PITPNC1: variants seen among roughly 807,000 people sequenced by gnomAD.
PITPNC1 encodes cytoplasmic phosphatidylinositol transfer protein 1.
In PITPNC1, 18 loss-of-function variants were observed where a neutral mutation model predicts 44.7. The ratio of observed to expected loss-of-function variants is 0.40; its 90% CI spans 0.28 to 0.60. PITPNC1 has a LOEUF of 0.60. Ranked by LOEUF, PITPNC1 falls within the 20% of genes least tolerant of loss-of-function variation. The pLI, the probability that PITPNC1 is intolerant of heterozygous loss-of-function variation, is 0.39. For missense variants in PITPNC1, 290 were observed against 418.4 expected (o/e 0.69, Z 2.68); for synonymous variants, 141 against 149.6 (o/e 0.94, Z 0.42).
intron 1 of PITPNC1, among the ~76,000 whole-genome samples, chr17:67,518,644 A>C (rs193241692): frequency 1.2e-4 from 18 of 152,268 alleles, no homozygotes; most frequent in South Asian, 2.1e-4. Flanking sequence ...GGTTATCAAA[A>C]AAACAAACAA....
intron 8 of PITPNC1, among the ~76,000 whole-genome samples, chr17:67,679,488 G>T (rs1017842790): frequency 1.3e-5 from 2 of 152,106 alleles, no homozygotes; most frequent in African/African-American, 4.8e-5. Flanking sequence ...CTGATGCATG[G>T]GTAGCTCTAG....
intron 6 of PITPNC1, among the ~76,000 whole-genome samples, chr17:67,659,544 A>C (rs142904219): frequency 1.3e-5 from 2 of 152,246 alleles, no homozygotes; most frequent in African/African-American, 4.8e-5. Flanking sequence ...AAACTGACAC[A>C]ATGTCTCTTC....
chr17:67,425,827 C>T (rs1467406813), intron 1 of PITPNC1, among the ~76,000 whole-genome samples: 1 of 152,128 alleles, frequency 6.6e-6, no homozygotes, highest in Non-Finnish European at 1.5e-5. Flanking sequence ...CCATGCCAGG[C>T]AGCAAAGTTT....
rs79746363 is a variant in PITPNC1, at chr17:67,696,679, T to C, written c.*3791T>C. The stretch of plus-strand genomic sequence containing the variant: ...TGTACACAATAGCACACTGTTGGCA[T>C]GCTGAGGCAAAACATTGGGTTCTTT... On this transcript the variant is annotated 3_prime_UTR_variant, in exon 9 of 9. Coordinates refer to ENST00000581322, the MANE Select transcript of PITPNC1 (RefSeq NM_012417.4). 1.6e-4 allele frequency: 25 copies of C among 152,368 alleles called. No individual in the cohort carries two copies. In the East Asian group the frequency reaches 4.8e-3, roughly 29 times the overall value. The allele number at this position is 152,368 out of a possible 1,614,324, so 9.4% of individuals were successfully genotyped here. A position where few individuals can be genotyped will look rare whatever the true frequency, so the allele number is the denominator to read the frequency against.
rs578163587 is a variant in PITPNC1, at chr17:67,381,117, G to A, written c.48+2915G>A. Reference sequence around the variant, plus strand: ...CTGAGGTGGGCAGATCACGAGGTCAGGAGATCGAGACCATCCTGGCTAACA... The same window carrying A: ...CTGAGGTGGGCAGATCACGAGGTCAAGAGATCGAGACCATCCTGGCTAACA... On this transcript the variant is annotated intron_variant, in intron 1 of 8. Transcript: ENST00000581322. 3.2e-3 allele frequency among the ~76,000 whole-genome samples: 491 copies of A among 152,150 alleles called. 1 individual carries two copies. The highest frequency in any genetic ancestry group is 5.7e-3 in the Non-Finnish European group (388 of 68,014).
At chr17:67,628,201 C>G (rs537879308) in intron 5 of PITPNC1, among the ~76,000 whole-genome samples, 16 of 152,204 alleles carry the variant, frequency 1.1e-4, no homozygotes, top group Middle Eastern at 3.4e-3. Context: ...CTGCGGCCAG[C>G]TGACAGCCTA....
Position 67,696,350 on chromosome 17 carries a change from T to G in PITPNC1, c.*3462T>G, listed in dbSNP as rs921770978. 6.6e-6 allele frequency: 1 copy of G among 152,228 alleles called. No individual in the cohort carries two copies. Among genetic ancestry groups the G allele is most frequent in the Non-Finnish European group, 1.5e-5 (1 of 68,034 alleles). The allele number at this position is 152,228 out of a possible 1,614,324, so 9.4% of individuals were successfully genotyped here. On this transcript the variant is annotated 3_prime_UTR_variant, in exon 9 of 9. Coordinates refer to ENST00000581322, the MANE Select transcript of PITPNC1 (RefSeq NM_012417.4). ...TGTGTATTTTTAAATTCTACTTTCT[T>G]TGGCATCTCTTCATGGCTCAGCGAC... is the stretch of plus-strand genomic sequence containing the variant.
Position 67,411,721 on chromosome 17 carries a change from A to G in PITPNC1, c.48+33519A>G, listed in dbSNP as rs572508605. ...AACTGGGGCACGAGATCAGAGCTAG[A>G]TGGACTTGCTCCTTATTCCTCTTAC... On this transcript the variant is annotated intron_variant, in intron 1 of 8. Coordinates refer to ENST00000581322, the MANE Select transcript of PITPNC1 (RefSeq NM_012417.4). Among the ~76,000 whole-genome samples, 219 of 152,258 alleles carry G rather than the reference A, an allele frequency of 1.4e-3. 1 individual carries two copies. The highest frequency in any genetic ancestry group is 1.6e-3 in the Non-Finnish European group (108 of 68,010).
At chr17:67,447,125 C>G (rs998880755) in intron 1 of PITPNC1, among the ~76,000 whole-genome samples, 3 of 141,362 alleles carry the variant, frequency 2.1e-5, no homozygotes, top group Non-Finnish European at 3.1e-5. Context: ...AAGAATGACC[C>G]TAGGATCTAA....
intron 5 of PITPNC1, among the ~76,000 whole-genome samples, chr17:67,623,792 G>A (rs2041862930): frequency 6.6e-6 from 1 of 152,190 alleles, no homozygotes; most frequent in Admixed American, 6.5e-5. Flanking sequence ...CTGTTGTAGA[G>A]AAAAGAGCTG....
chr17:67,424,350 A>G (rs1766336212), intron 1 of PITPNC1, among the ~76,000 whole-genome samples: 1 of 152,078 alleles, frequency 6.6e-6, no homozygotes, highest in Non-Finnish European at 1.5e-5. Context: ...CAAGATTACC[A>G]CTTGACCTTC....
In PITPNC1 at chr17:67,652,408, G is replaced by A. The variant is rs1598935360; in HGVS notation, c.463-17100G>A. Among the ~76,000 whole-genome samples the A allele has an allele frequency of 2.0e-5, 3 of 152,258 alleles. No homozygotes were observed. In the South Asian group the frequency reaches 6.2e-4, roughly 32 times the overall value. On this transcript the variant is annotated intron_variant, in intron 6 of 8. Coordinates refer to ENST00000581322, the MANE Select transcript of PITPNC1 (RefSeq NM_012417.4). ...CGAGATGGATGAGGCCTGCAGGTGTGGCTGATCCTATAGAGTGGACGCCTT... is the reference window on the plus strand; with the variant it reads ...CGAGATGGATGAGGCCTGCAGGTGTAGCTGATCCTATAGAGTGGACGCCTT...
chr17:67,512,394 G>A (rs868617181), intron 1 of PITPNC1, among the ~76,000 whole-genome samples: 29 of 151,986 alleles, frequency 1.9e-4, no homozygotes, highest in East Asian at 7.8e-4. Context: ...CCAGCTACTC[G>A]GGAGGCTGAG....
intron 5 of PITPNC1, among the ~76,000 whole-genome samples, chr17:67,606,386 A>C (rs1403364845): frequency 6.6e-6 from 1 of 152,220 alleles, no homozygotes; most frequent in Admixed American, 6.5e-5. Context: ...ACCCAGACCC[A>C]AATTCAACTG....
At chr17:67,380,539 G>A (rs2037942528) in intron 1 of PITPNC1, among the ~76,000 whole-genome samples, 1 of 152,116 alleles carries the variant, frequency 6.6e-6, no homozygotes, top group African/African-American at 2.4e-5. Context: ...GAAGCAGGAG[G>A]GCAATTTAGA....
Position 67,692,554 on chromosome 17 carries a change from C to T in PITPNC1, c.683-18C>T, listed in dbSNP as rs1355931866. 2 of 1,579,880 alleles carry T rather than the reference C, an allele frequency of 1.3e-6. No homozygotes were observed. Among genetic ancestry groups the T allele is most frequent in the Admixed American group, 1.7e-5 (1 of 58,084 alleles). On this transcript the variant is annotated intron_variant, in intron 8 of 8. Transcript: ENST00000581322. ...TATAAATAACTGCTCGTTTTTCTTT[C>T]TGTTTTTCTCCTTGAAGACATGACA...
At chr17:67,523,782 A>C (rs1309354019) in intron 1 of PITPNC1, among the ~76,000 whole-genome samples, 2 of 138,990 alleles carry the variant, frequency 1.4e-5, no homozygotes, top group Admixed American at 1.5e-4. Context: ...GCTCCACCTC[A>C]CCAGCTCAGA....
chr17:67,385,862 A>G (rs934498033), intron 1 of PITPNC1, among the ~76,000 whole-genome samples: 3 of 152,188 alleles, frequency 2.0e-5, no homozygotes, highest in Non-Finnish European at 4.4e-5. Context: ...CTGGCTGGTC[A>G]GTGAAATTGA....
At chr17:67,656,345 A>G (rs1282266388) in intron 6 of PITPNC1, among the ~76,000 whole-genome samples, 1 of 152,052 alleles carries the variant, frequency 6.6e-6, no homozygotes, top group African/African-American at 2.4e-5. Context: ...CTTAACTCCC[A>G]TCTCTGCCTC....
Sources: allele counts gnomAD v4.1 joint callset (sites outside exome capture counted in the v4.1 genomes callset), GRCh38; gene constraint gnomAD v4.1.1; transcripts MANE v1.5; gene names NCBI Gene and HGNC (gene_info 2026-07-23, HGNC 2026-07-21).